The following RALGPS1 variants were observed in gnomAD, a reference collection of about 807,000 sequenced individuals.
RALGPS1 encodes ras-specific guanine nucleotide-releasing factor RalGPS1.
In RALGPS1, 19 loss-of-function variants were observed where a neutral mutation model predicts 78.8. The observed-to-expected ratio is 0.24, with a 90% CI of 0.17 to 0.35. The LOEUF (loss-of-function observed/expected upper bound fraction) is 0.35. Ranked by LOEUF, RALGPS1 falls within the 10% of genes least tolerant of loss-of-function variation. RALGPS1 has a pLI of 1.00. For missense variants in RALGPS1, 454 were observed against 688.3 expected, an observed-to-expected ratio of 0.66 and a Z score of 3.81; for synonymous variants, 228 against 256.3, an observed-to-expected ratio of 0.89 and a Z score of 1.06.
chr9:127,100,814 T>C (rs1442400699), intron 8 of RALGPS1, among the ~76,000 whole-genome samples: 1 of 152,240 alleles, frequency 6.6e-6, no homozygotes, highest in Non-Finnish European at 1.5e-5. Context: ...AAGGAAGGGA[T>C]CAGCTTCATT....
At chr9:126,939,567 A>T (rs1874778) in intron 1 of RALGPS1, among the ~76,000 whole-genome samples, 167 of 152,288 alleles carry the variant, frequency 1.1e-3, no homozygotes, top group African/African-American at 3.9e-3. Context: ...CCACAGCCAC[A>T]TGAGATGGGT....
At chr9:127,184,195 C>A in intron 11 of RALGPS1, 1 of 741,240 alleles carries the variant, frequency 1.3e-6, no homozygotes, top group Non-Finnish European at 2.2e-6. Context: ...CATGGTGGTG[C>A]GTGCCTACAG....
intron 7 of RALGPS1, among the ~76,000 whole-genome samples, chr9:127,055,212 A>ATCTGTCTGTATG: frequency 6.6e-6 from 1 of 151,104 alleles, no homozygotes; most frequent in South Asian, 2.1e-4. Context: ...CTATCTATCT[A>ATCTGTCTGTATG]TCTGTCTGTC....
chr9:127,163,082 C>T (rs2059112006), intron 8 of RALGPS1, among the ~76,000 whole-genome samples: 1 of 152,156 alleles, frequency 6.6e-6, no homozygotes, highest in African/African-American at 2.4e-5. Flanking sequence ...CCATCCTGCT[C>T]TCCAGTTTCT....
At chr9:126,998,126 TAAAACACCAAAAGCA>T (rs2042946637) in intron 4 of RALGPS1, among the ~76,000 whole-genome samples, 1 of 152,108 alleles carries the variant, frequency 6.6e-6, no homozygotes, top group Non-Finnish European at 1.5e-5. Context: ...ACTTCATATC[TAAAACACCAAAAGCA>T]ATGGCAACAA....
chr9:127,015,276 G>A (rs2044708992), intron 4 of RALGPS1, among the ~76,000 whole-genome samples: 1 of 152,166 alleles, frequency 6.6e-6, no homozygotes, highest in Non-Finnish European at 1.5e-5. Flanking sequence ...ATTGACTTTA[G>A]GCAAGTTAAT....
intron 8 of RALGPS1, among the ~76,000 whole-genome samples, chr9:127,137,932 T>C (rs1391429674): frequency 6.6e-6 from 1 of 152,188 alleles, no homozygotes; most frequent in African/African-American, 2.4e-5. Flanking sequence ...AGATAATACA[T>C]GTTGAGCTCA....
intron 10 of RALGPS1, 148 bp from the exon 11 acceptor site, chr9:127,174,567 G>A (rs887350651): frequency 4.9e-5 from 35 of 717,572 alleles, no homozygotes; most frequent in Admixed American, 6.4e-5. Flanking sequence ...GGAAACCCCC[G>A]GAGACCTCAG....
chr9:127,044,569 T>A (rs536207490), intron 5 of RALGPS1, among the ~76,000 whole-genome samples: 68 of 152,244 alleles, frequency 4.5e-4, no homozygotes, highest in South Asian at 1.0e-3. Flanking sequence ...ATCTTTTTTT[T>A]AAAAAAATAA....
At chr9:127,084,331 C>A (rs369335727) in intron 8 of RALGPS1, among the ~76,000 whole-genome samples, 1 of 152,138 alleles carries the variant, frequency 6.6e-6, no homozygotes, top group Non-Finnish European at 1.5e-5. Context: ...GGAGAGAGAA[C>A]GGCCCATCTT....
rs2062733129 is a variant in RALGPS1 at position 127,220,029 on chromosome 9, T to A, written c.*1260T>A. 6.5e-6 allele frequency: 1 copy of A among 152,702 alleles called. No individual in the cohort carries two copies. The highest frequency in any genetic ancestry group is 2.1e-4 in the South Asian group (1 of 4,836). The allele number at this position is 152,702 out of a possible 1,614,324, so 9.5% of individuals were successfully genotyped here. On this transcript the variant is annotated 3_prime_UTR_variant, in exon 19 of 19. Transcript: ENST00000259351. ...TCTTCACATGAATCACATCCTTATC[T>A]GTCACCTTGTGTCACATTTTAAAGT...
At chr9:127,151,725 C>G (rs1166634344) in intron 8 of RALGPS1, among the ~76,000 whole-genome samples, 22 of 151,786 alleles carry the variant, frequency 1.4e-4, no homozygotes, top group Admixed American at 1.4e-3. Context: ...AGATTTCTTT[C>G]CTGGAACCTA....
intron 4 of RALGPS1, among the ~76,000 whole-genome samples, chr9:127,032,233 T>C (rs1162600892): frequency 1.3e-5 from 2 of 152,176 alleles, no homozygotes; most frequent in Non-Finnish European, 2.9e-5. Flanking sequence ...AAGATAAGCA[T>C]TGTGCAGCTG....
intron 7 of RALGPS1, among the ~76,000 whole-genome samples, chr9:127,064,355 G>A (rs2049487638): frequency 6.6e-6 from 1 of 152,134 alleles, no homozygotes; most frequent in African/African-American, 2.4e-5. Flanking sequence ...TTCTTGTAAT[G>A]AAAGCTTAAA....
At chr9:126,943,204 G>A (rs1348857989) in intron 1 of RALGPS1, among the ~76,000 whole-genome samples, 5 of 152,018 alleles carry the variant, frequency 3.3e-5, no homozygotes, top group Non-Finnish European at 5.9e-5. Context: ...GTGCAGTGGC[G>A]CAATCTCAGC....
At chr9:126,921,722 C>T (rs1249255824) in intron 1 of RALGPS1, among the ~76,000 whole-genome samples, 1 of 152,188 alleles carries the variant, frequency 6.6e-6, no homozygotes, top group Non-Finnish European at 1.5e-5. Flanking sequence ...GACTATACCT[C>T]TGTTTCCTCA....
chr9:127,118,392 A>AATAACTCTTCTATTTGGGGTGTTTTAT (rs2055673412), intron 8 of RALGPS1, among the ~76,000 whole-genome samples: 1 of 152,236 alleles, frequency 6.6e-6, no homozygotes, highest in African/African-American at 2.4e-5. Context: ...CCTGTGGCTG[A>AATAACTCTTCTATTTGGGGTGTTTTAT]ATAACTCTTC....
chr9:127,035,565 A>G (rs544039092), intron 5 of RALGPS1, among the ~76,000 whole-genome samples: 1 of 152,146 alleles, frequency 6.6e-6, no homozygotes, highest in Admixed American at 6.5e-5. Flanking sequence ...TGGGGCCTGG[A>G]TTCCCTTTGG....
chr9:127,047,900 T>A lies in RALGPS1; in HGVS notation c.301-2143T>A, dbSNP rs556943455. Among the ~76,000 whole-genome samples, 49 of 151,812 alleles carry A rather than the reference T, an allele frequency of 3.2e-4. 2 individuals carry two copies. Among genetic ancestry groups the A allele is most frequent in the Admixed American group, 2.0e-4 (3 of 15,282 alleles). ...TTTGTAGTTAGAAAAGAAAATAAAATAAAAAAGTGTTTACAACTATGCTGA... is the reference window on the plus strand; with the variant it reads ...TTTGTAGTTAGAAAAGAAAATAAAAAAAAAAAGTGTTTACAACTATGCTGA... On this transcript the variant is annotated intron_variant, in intron 5 of 18. Transcript: ENST00000259351.
Sources: gnomAD v4.1 joint callset for allele counts (sites outside exome capture counted in the v4.1 genomes callset) on GRCh38, gnomAD v4.1.1 for gene constraint, MANE v1.5 for transcripts, NCBI Gene and HGNC (gene_info 2026-07-23, HGNC 2026-07-21) for gene names.